NUP98: variants seen among roughly 807,000 people sequenced by gnomAD.
NUP98 encodes the protein nucleoporin 98 and 96 precursor, also known as nuclear pore complex protein Nup98-Nup96.
Under a neutral mutation model 191.9 loss-of-function variants are expected in NUP98, and 26 were observed. The observed-to-expected ratio is 0.14, with a 90% CI of 0.10 to 0.19. NUP98 has a LOEUF of 0.19. NUP98 is among the 10% of genes least tolerant of loss of function. The probability of loss-of-function intolerance (pLI) is 1.00; values close to 1 mark genes in which losing one functional copy is unlikely to be tolerated. For missense variants in NUP98, 1,941 were observed against 2,178.8 expected (o/e 0.89, Z 2.17); for synonymous variants, 808 against 778.4 (o/e 1.04, Z -0.63).
chr11:3,771,752 T>G lies in NUP98; in HGVS notation c.780A>C (p.Gly260=), dbSNP rs1201266948. 2.5e-6 allele frequency: 4 copies of G among 1,613,930 alleles called. No individual in the cohort carries two copies. Among genetic ancestry groups the G allele is most frequent in the Non-Finnish European group, 3.4e-6 (4 of 1,179,912 alleles). ...FAYGQNKTAF[G]TSTTGFGTNP... ...AACATGATATCAAGTGCTTACTAGTTCCAAAGGCAGTTTTGTTCTGACCAT... is the reference window on the plus strand; with the variant it reads ...AACATGATATCAAGTGCTTACTAGTGCCAAAGGCAGTTTTGTTCTGACCAT... The change falls in exon 7 of 33, where the codon GGA becomes GGC. Residue 260 remains glycine (G), a synonymous_variant. Coordinates refer to ENST00000324932, the MANE Select transcript of NUP98 (RefSeq NM_016320.5).
intron 1 of NUP98, among the ~76,000 whole-genome samples, chr11:3,795,781 A>G (rs2082510956): frequency 6.6e-6 from 1 of 152,230 alleles, no homozygotes; most frequent in East Asian, 1.9e-4. Flanking sequence ...TTCCCAGAAG[A>G]GGGTGATGCC....
chr11:3,678,989 G>T (rs1454274371), intron 31 of NUP98, among the ~76,000 whole-genome samples: 3 of 151,940 alleles, frequency 2.0e-5, no homozygotes, highest in Admixed American at 6.6e-5. Context: ...GCGTGTGGTG[G>T]CACACACCCT....
chr11:3,756,806 G>A (rs995371685), intron 10 of NUP98, among the ~76,000 whole-genome samples: 3 of 151,954 alleles, frequency 2.0e-5, no homozygotes, highest in Admixed American at 6.6e-5. Flanking sequence ...AAATTTTGTC[G>A]GCTGGGCGCA....
At chr11:3,746,986 T>A (rs777723055) in intron 11 of NUP98, among the ~76,000 whole-genome samples, 2 of 152,108 alleles carry the variant, frequency 1.3e-5, no homozygotes, top group Non-Finnish European at 2.9e-5. Flanking sequence ...ACTTGACTAC[T>A]GACTATTGCA....
chr11:3,716,196 T>C lies in NUP98; in HGVS notation c.2400-2201A>G, dbSNP rs769237285. Among the ~76,000 whole-genome samples the C allele has an allele frequency of 5.9e-5, 9 of 152,212 alleles. 1 individual carries two copies. Among genetic ancestry groups the C allele is most frequent in the Non-Finnish European group, 1.3e-4 (9 of 68,034 alleles). On this transcript the variant is annotated intron_variant, in intron 18 of 32. Transcript: ENST00000324932. ...TTCCTCTGTGTTTTCTTCTAAGAGTTGTAAATTTTTGGATCTCACACTTAG... is the reference window on the plus strand; with the variant it reads ...TTCCTCTGTGTTTTCTTCTAAGAGTCGTAAATTTTTGGATCTCACACTTAG...
At chr11:3,760,203 A>G (rs1350535043) in intron 10 of NUP98, 1 of 303,586 alleles carries the variant, frequency 3.3e-6, no homozygotes, top group Admixed American at 4.6e-5. Flanking sequence ...ATGCTACCAC[A>G]GGTTTGAAAC....
intron 1 of NUP98, among the ~76,000 whole-genome samples, chr11:3,793,231 C>T (rs937510114): frequency 1.3e-5 from 2 of 152,158 alleles, no homozygotes; most frequent in Non-Finnish European, 2.9e-5. Flanking sequence ...GCTAGATTTT[C>T]TTCACATACT....
chr11:3,781,276 G>A (rs1157009494), intron 2 of NUP98: 1 of 151,516 alleles, frequency 6.6e-6, no homozygotes, highest in Non-Finnish European at 1.5e-5. Context: ...CCTCCTCCTG[G>A]AAAGAAAGAG....
In NUP98 at chr11:3,739,745, T is replaced by C. The variant is rs115732525; in HGVS notation, c.1409-4421A>G. On this transcript the variant is annotated intron_variant, in intron 12 of 32. Coordinates refer to ENST00000324932, the MANE Select transcript of NUP98 (RefSeq NM_016320.5). Reference sequence around the variant, plus strand: ...ATCTAACAAATTTCTAGGGGAAAGATGTGGACAGAGGACTGATCAAGCAGG... The same window carrying C: ...ATCTAACAAATTTCTAGGGGAAAGACGTGGACAGAGGACTGATCAAGCAGG... Among the ~76,000 whole-genome samples, 575 of 152,274 alleles carry C rather than the reference T, an allele frequency of 3.8e-3. 1 individual carries two copies. The highest frequency in any genetic ancestry group is 0.013 in the African/African-American group (550 of 41,562).
intron 14 of NUP98, among the ~76,000 whole-genome samples, chr11:3,728,013 C>G (rs1564851350): frequency 6.6e-6 from 1 of 151,812 alleles, no homozygotes; most frequent in Non-Finnish European, 1.5e-5. Flanking sequence ...AGAGTAAGAC[C>G]CCGTCTCAAA....
intron 27 of NUP98, among the ~76,000 whole-genome samples, chr11:3,692,144 C>A (rs1354861885): frequency 6.6e-6 from 1 of 151,890 alleles, no homozygotes; most frequent in African/African-American, 2.4e-5. Context: ...ACCCGTCTGA[C>A]ATAAAAAGAT....
intron 8 of NUP98, among the ~76,000 whole-genome samples, chr11:3,763,272 G>C (rs1378990338): frequency 6.6e-6 from 1 of 152,098 alleles, no homozygotes; most frequent in Admixed American, 6.6e-5. Flanking sequence ...TGAATGGTAG[G>C]AACAGAAGTT....
At chr11:3,780,393 T>G (rs1317959230) in intron 2 of NUP98, among the ~76,000 whole-genome samples, 1 of 144,112 alleles carries the variant, frequency 6.9e-6, no homozygotes, top group Non-Finnish European at 1.5e-5. Context: ...AAAAAAAAAA[T>G]TAGCCGGGCC....
intron 25 of NUP98, 113 bp from the exon 26 acceptor site, chr11:3,695,719 T>C (rs554299854): frequency 4.5e-5 from 33 of 733,618 alleles, no homozygotes; most frequent in African/African-American, 2.9e-4. Flanking sequence ...GATTTAACAT[T>C]GTTAACTGCT....
At chr11:3,696,563 C>T (rs2078513732) in intron 25 of NUP98, 2 of 152,106 alleles carry the variant, frequency 1.3e-5, no homozygotes, top group Admixed American at 1.3e-4. Flanking sequence ...AATCCCAGCA[C>T]TTTGGAAGGC....
At chr11:3,718,720 G>A (rs947489305) in intron 18 of NUP98, among the ~76,000 whole-genome samples, 1 of 151,918 alleles carries the variant, frequency 6.6e-6, no homozygotes, top group Non-Finnish European at 1.5e-5. Flanking sequence ...GATATTAGAA[G>A]CTAGGATCTC....
At chr11:3,745,635 A>AAG (rs146065247) in intron 11 of NUP98, among the ~76,000 whole-genome samples, 2 of 152,062 alleles carry the variant, frequency 1.3e-5, no homozygotes, top group African/African-American at 2.4e-5. Flanking sequence ...CCATTAAAAA[A>AAG]AGAGAGAGAG....
chr11:3,710,454 C>T (rs1288720488), intron 20 of NUP98, among the ~76,000 whole-genome samples: 2 of 151,808 alleles, frequency 1.3e-5, no homozygotes, highest in Admixed American at 6.6e-5. Context: ...AGGGGACTGA[C>T]GATATTATAT....
At chr11:3,698,648 AC>A (rs1470615122) in intron 25 of NUP98, among the ~76,000 whole-genome samples, 1 of 146,366 alleles carries the variant, frequency 6.8e-6, no homozygotes, top group South Asian at 2.2e-4. Context: ...AATCGCTTGA[AC>A]CCAGGAGGAG....
Sources: allele counts gnomAD v4.1 joint callset (sites outside exome capture counted in the v4.1 genomes callset), GRCh38; gene constraint gnomAD v4.1.1; transcripts MANE v1.5; gene names NCBI Gene and HGNC (gene_info 2026-07-23, HGNC 2026-07-21).